Variants in HS2ST1 observed in about 807,000 individuals in gnomAD.
The protein encoded by HS2ST1 is heparan sulfate 2-O-sulfotransferase 1, also known as 2-O-sulfotransferase.
HS2ST1 carries 18 observed loss-of-function variants against 42.9 expected under a neutral mutation model. That is an observed-to-expected ratio of 0.42 (90% CI 0.29 to 0.62). The LOEUF (loss-of-function observed/expected upper bound fraction) is 0.62, where lower values mean the gene tolerates loss of function less well. HS2ST1 is among the 20% of genes least tolerant of loss of function. The pLI is 0.21. For synonymous variants in HS2ST1, 146 were observed against 152.9 expected (o/e 0.95, Z 0.33); for missense variants, 334 against 433.8 (o/e 0.77, Z 2.04).
intron 1 of HS2ST1, among the ~76,000 whole-genome samples, chr1:87,070,940 C>T (rs1651388647): frequency 6.6e-6 from 1 of 152,150 alleles, no homozygotes; most frequent in Non-Finnish European, 1.5e-5. Flanking sequence ...CTCAACTGTA[C>T]ACCTATAAAC....
chr1:87,049,416 T>C (rs1468492934), intron 1 of HS2ST1, among the ~76,000 whole-genome samples: 1 of 152,102 alleles, frequency 6.6e-6, no homozygotes, highest in Non-Finnish European at 1.5e-5. Flanking sequence ...CGTGTAGTGC[T>C]GTATGTTTCC....
At chr1:86,983,827 G>A (rs1385082352) in intron 1 of HS2ST1, among the ~76,000 whole-genome samples, 1 of 152,080 alleles carries the variant, frequency 6.6e-6, no homozygotes, top group African/African-American at 2.4e-5. Context: ...TGGATCACAA[G>A]GTCAGGAGTT....
At chr1:86,925,998 A>T (rs1391047806) in intron 1 of HS2ST1, among the ~76,000 whole-genome samples, 1 of 152,024 alleles carries the variant, frequency 6.6e-6, no homozygotes, top group Non-Finnish European at 1.5e-5. Flanking sequence ...ATACTTTCAA[A>T]CTTTGTTTTG....
chr1:86,985,541 CACACATATATAT>C (rs1648756046), intron 1 of HS2ST1, among the ~76,000 whole-genome samples: 12 of 51,210 alleles, frequency 2.3e-4, no homozygotes, highest in Admixed American at 2.7e-4. Context: ...CATATATATA[CACACATATATAT>C]ACACACACAC....
chr1:86,979,087 C>T (rs1156955891), intron 1 of HS2ST1, among the ~76,000 whole-genome samples: 2 of 152,018 alleles, frequency 1.3e-5, no homozygotes, highest in Non-Finnish European at 2.9e-5. Context: ...AACTCCTGAG[C>T]TTAAGCAATC....
chr1:87,085,195 TAAAA>T (rs1170450210), intron 3 of HS2ST1, among the ~76,000 whole-genome samples: 2 of 152,136 alleles, frequency 1.3e-5, no homozygotes, highest in Non-Finnish European at 2.9e-5. Context: ...TCAAAAACAC[TAAAA>T]AAATTTTTTT....
At chr1:87,068,429 G>C (rs979289295) in intron 1 of HS2ST1, among the ~76,000 whole-genome samples, 1 of 152,208 alleles carries the variant, frequency 6.6e-6, no homozygotes, top group Admixed American at 6.5e-5. Context: ...CTTTGCTGAA[G>C]TTGCTTATCA....
At chr1:87,063,806 T>G (rs1458356983) in intron 1 of HS2ST1, among the ~76,000 whole-genome samples, 1 of 152,220 alleles carries the variant, frequency 6.6e-6, no homozygotes, top group African/African-American at 2.4e-5. Flanking sequence ...TGTTGGTCAT[T>G]TCTTGATTGT....
intron 4 of HS2ST1, among the ~76,000 whole-genome samples, chr1:87,095,685 C>G (rs952873672): frequency 6.6e-6 from 1 of 152,042 alleles, no homozygotes; most frequent in African/African-American, 2.4e-5. Flanking sequence ...ATAGGAACTC[C>G]TTTTATACTC....
At chr1:87,091,097 A>G (rs1378203061) in intron 3 of HS2ST1, among the ~76,000 whole-genome samples, 1 of 152,030 alleles carries the variant, frequency 6.6e-6, no homozygotes, top group Non-Finnish European at 1.5e-5. Flanking sequence ...CCCAAGTAGA[A>G]TGTTAGCTCT....
At chr1:87,073,396 A>G (rs1182061827) in intron 2 of HS2ST1, among the ~76,000 whole-genome samples, 1 of 152,234 alleles carries the variant, frequency 6.6e-6, no homozygotes, top group African/African-American at 2.4e-5. Context: ...AAGTAAATGA[A>G]TTAATGAATA....
At chr1:87,083,979 A>C (rs1373637267) in intron 2 of HS2ST1, among the ~76,000 whole-genome samples, 1 of 152,176 alleles carries the variant, frequency 6.6e-6, no homozygotes, top group African/African-American at 2.4e-5. Flanking sequence ...TTTCAGAATC[A>C]TCTTTCACTC....
At chr1:86,929,407 C>T (rs1034656630) in intron 1 of HS2ST1, among the ~76,000 whole-genome samples, 1 of 151,670 alleles carries the variant, frequency 6.6e-6, no homozygotes, top group East Asian at 1.9e-4. Context: ...TTATTCTTTC[C>T]TTCCCTAGGA....
At chr1:86,915,373 G>A (rs978187024) in intron 1 of HS2ST1, among the ~76,000 whole-genome samples, 7 of 152,208 alleles carry the variant, frequency 4.6e-5, no homozygotes, top group Admixed American at 1.3e-4. Context: ...AGGTCACGGG[G>A]CAGAGGTTGC....
intron 1 of HS2ST1, among the ~76,000 whole-genome samples, chr1:87,002,836 A>G (rs1384092034): frequency 2.0e-5 from 3 of 152,134 alleles, no homozygotes; most frequent in Non-Finnish European, 4.4e-5. Context: ...ATCTAAAGCC[A>G]TTTGGGAATC....
At chr1:87,035,508 G>A (rs1650351061) in intron 1 of HS2ST1, among the ~76,000 whole-genome samples, 1 of 152,144 alleles carries the variant, frequency 6.6e-6, no homozygotes, top group Admixed American at 6.5e-5. Context: ...ATGCCCATGG[G>A]AGAATGTGTT....
chr1:87,018,127 A>G (rs1444544654), intron 1 of HS2ST1, among the ~76,000 whole-genome samples: 1 of 101,794 alleles, frequency 9.8e-6, no homozygotes, highest in Non-Finnish European at 1.9e-5. Context: ...AAAGATAAAT[A>G]AAAGCCACAC....
chr1:87,071,393 A>T (rs1427334476), intron 1 of HS2ST1, among the ~76,000 whole-genome samples: 1 of 152,230 alleles, frequency 6.6e-6, no homozygotes, highest in African/African-American at 2.4e-5. Context: ...TGCAATTATG[A>T]TAAATATAGT....
At chr1:86,957,909 T>C (rs540394788) in intron 1 of HS2ST1, among the ~76,000 whole-genome samples, 1 of 151,780 alleles carries the variant, frequency 6.6e-6, no homozygotes, top group South Asian at 2.1e-4. Context: ...TTCTCCTGCC[T>C]AGCCTCCTGA....
Sources: gnomAD v4.1 joint callset for allele counts (sites outside exome capture counted in the v4.1 genomes callset) on GRCh38, gnomAD v4.1.1 for gene constraint, MANE v1.5 for transcripts, NCBI Gene and HGNC (gene_info 2026-07-23, HGNC 2026-07-21) for gene names.